Variants in BAALC observed in about 807,000 individuals in gnomAD.
BAALC encodes BAALC binder of MAP3K1 and KLF4, also known as brain and acute leukemia cytoplasmic protein.
Under a neutral mutation model 15.5 loss-of-function variants are expected in BAALC, and 9 were observed. The ratio of observed to expected loss-of-function variants is 0.58; its 90% CI spans 0.35 to 1.02. The LOEUF (loss-of-function observed/expected upper bound fraction) is 1.02. BAALC is among the 50% of genes least tolerant of loss of function. The pLI is 0.02. For synonymous variants in BAALC, 80 were observed against 74.6 expected, an observed-to-expected ratio of 1.07 and a Z score of -0.37; for missense variants, 201 against 192.4, an observed-to-expected ratio of 1.04 and a Z score of -0.27.
Position 103,228,215 on chromosome 8 carries a change from T to A in BAALC, c.*116T>A. 1 of 704,084 alleles carries A rather than the reference T, an allele frequency of 1.4e-6. No individual in the cohort carries two copies. The highest frequency in any genetic ancestry group is 1.9e-5 in the South Asian group (1 of 52,460). The allele number at this position is 704,084 out of a possible 1,614,324, so 43.6% of individuals were successfully genotyped here. On this transcript the variant is annotated 3_prime_UTR_variant, in exon 3 of 3. Coordinates refer to ENST00000309982, the MANE Select transcript of BAALC (RefSeq NM_024812.3). ...CTTGCTGGACCTGAATTCTACTGAGTCCCTGGCAAGACTGTCTTACCTGGC... is the reference window on the plus strand; with the variant it reads ...CTTGCTGGACCTGAATTCTACTGAGACCCTGGCAAGACTGTCTTACCTGGC...
chr8:103,213,080 A>G lies in BAALC; in HGVS notation c.322A>G (p.Thr108Ala). The change falls in exon 2 of 3, where the codon ACA becomes GCA. Residue 108 changes from threonine (T) to alanine (A), a missense_variant. By Grantham distance (58) the Thr-to-Ala change is moderately conservative (BLOSUM62 0). Coordinates refer to ENST00000309982, the MANE Select transcript of BAALC (RefSeq NM_024812.3). ...CCAGAAACAGAATGGCCTTCAGACCACAGAGGTAGGGTTGCAGCCACAGAA... is the reference window on the plus strand; with the variant it reads ...CCAGAAACAGAATGGCCTTCAGACCGCAGAGGTAGGGTTGCAGCCACAGAA... ...LTQKQNGLQTTEAKRDAKRMP... is the reference protein window; with the variant it reads ...LTQKQNGLQTAEAKRDAKRMP... The G allele has an allele frequency of 1.2e-6, 2 of 1,613,928 alleles. No individual in the cohort carries two copies. Among genetic ancestry groups the G allele is most frequent in the Non-Finnish European group, 1.7e-6 (2 of 1,179,896 alleles).
intron 1 of BAALC, among the ~76,000 whole-genome samples, chr8:103,199,568 TAAAAC>T (rs1812168938): frequency 6.6e-6 from 1 of 152,168 alleles, no homozygotes; most frequent in South Asian, 2.1e-4. Flanking sequence ...TTTTAAGAAT[TAAAAC>T]AATTCAGTTG....
intron 1 of BAALC, among the ~76,000 whole-genome samples, chr8:103,178,186 A>G (rs1169162318): frequency 6.6e-6 from 1 of 152,258 alleles, no homozygotes; most frequent in Non-Finnish European, 1.5e-5. Flanking sequence ...AGGTATCACT[A>G]TCTTTTTAAC....
intron 2 of BAALC, among the ~76,000 whole-genome samples, chr8:103,217,639 C>T (rs894950870): frequency 5.3e-5 from 8 of 152,124 alleles, no homozygotes; most frequent in Non-Finnish European, 8.8e-5. Flanking sequence ...GGTGGTTCTT[C>T]GGCATTTTTT....
intron 1 of BAALC, among the ~76,000 whole-genome samples, chr8:103,204,017 GT>G (rs1812277083): frequency 6.6e-6 from 1 of 152,168 alleles, no homozygotes; most frequent in Non-Finnish European, 1.5e-5. Context: ...GAAAGCAGCT[GT>G]ACCATTTAGT....
intron 2 of BAALC, among the ~76,000 whole-genome samples, chr8:103,220,960 T>C (rs1812663376): frequency 4.6e-5 from 7 of 152,204 alleles, no homozygotes. Flanking sequence ...TACAGATATA[T>C]TTGTGGAGTT....
intron 1 of BAALC, among the ~76,000 whole-genome samples, chr8:103,187,889 T>A (rs1440448261): frequency 6.6e-6 from 1 of 152,008 alleles, no homozygotes; most frequent in Non-Finnish European, 1.5e-5. Context: ...ATAGAGAATC[T>A]TTTGTGACTT....
chr8:103,164,871 G>T (rs537853913), intron 1 of BAALC, among the ~76,000 whole-genome samples: 1 of 152,286 alleles, frequency 6.6e-6, no homozygotes, highest in South Asian at 2.1e-4. Flanking sequence ...GCACAGGTCT[G>T]CCCTTCCCCA....
chr8:103,165,518 T>A (rs1811324765), intron 1 of BAALC: 1 of 152,148 alleles, frequency 6.6e-6, no homozygotes, highest in African/African-American at 2.4e-5. Flanking sequence ...TGAAAAAGGA[T>A]CCAAATAATC....
intron 1 of BAALC, among the ~76,000 whole-genome samples, chr8:103,179,619 T>C (rs1044473212): frequency 5.3e-5 from 8 of 152,238 alleles, no homozygotes; most frequent in Non-Finnish European, 7.3e-5. Flanking sequence ...AGCTAGTTCA[T>C]GTGGGTGTGT....
intron 1 of BAALC, among the ~76,000 whole-genome samples, chr8:103,184,309 AG>A (rs1229301377): frequency 2.0e-5 from 3 of 152,340 alleles, no homozygotes; most frequent in African/African-American, 7.2e-5. Context: ...ATATATTCAC[AG>A]GTTCTGGTGC....
rs1016916759 is a variant in BAALC, at chr8:103,229,021, C to T, written c.*922C>T. On this transcript the variant is annotated 3_prime_UTR_variant, in exon 3 of 3. Transcript: ENST00000309982. ...CAGAGACATGTGGCAGCAGGCATGG[C>T]TTCCCCTTGGCCTCTCTGTACACTG... 3.3e-5 allele frequency: 5 copies of T among 152,484 alleles called. No individual in the cohort carries two copies. The highest frequency in any genetic ancestry group is 6.5e-5 in the Admixed American group (1 of 15,290). The allele number at this position is 152,484 out of a possible 1,614,324, so 9.4% of individuals were successfully genotyped here. A position where few individuals can be genotyped will look rare whatever the true frequency, so the allele number is the denominator to read the frequency against.
chr8:103,184,635 A>G (rs1282946042), intron 1 of BAALC, among the ~76,000 whole-genome samples: 1 of 152,238 alleles, frequency 6.6e-6, no homozygotes, highest in East Asian at 1.9e-4. Flanking sequence ...GCTCTCTCCC[A>G]GATAGTTCCA....
At chr8:103,143,298 A>G (rs1586367389) in intron 1 of BAALC, among the ~76,000 whole-genome samples, 1 of 150,522 alleles carries the variant, frequency 6.6e-6, no homozygotes. Context: ...CACCTCACCC[A>G]CCCCCTGCCA....
chr8:103,142,915 G>C (rs187700677), intron 1 of BAALC, among the ~76,000 whole-genome samples: 238 of 152,320 alleles, frequency 1.6e-3, no homozygotes, highest in African/African-American at 5.2e-3. Context: ...GGCCAGCCCT[G>C]CCAGAGAGGT....
At chr8:103,176,096 G>T (rs1811600291) in intron 1 of BAALC, among the ~76,000 whole-genome samples, 1 of 152,144 alleles carries the variant, frequency 6.6e-6, no homozygotes, top group Admixed American at 6.6e-5. Flanking sequence ...AAAAAAATAT[G>T]TGTAAGATTT....
At chr8:103,185,726 C>T (rs1459829965) in intron 1 of BAALC, among the ~76,000 whole-genome samples, 1 of 152,182 alleles carries the variant, frequency 6.6e-6, no homozygotes, top group East Asian at 1.9e-4. Flanking sequence ...TTTCTTTCCT[C>T]CCCAAAATGG....
Position 103,140,844 on chromosome 8 carries a change from C to G in BAALC, c.-54C>G. The G allele has an allele frequency of 7.1e-7, 1 of 1,403,128 alleles. No homozygotes were observed. The highest frequency in any genetic ancestry group is 9.3e-7 in the Non-Finnish European group (1 of 1,078,242). 86.9% of individuals were successfully genotyped at this position (1,403,128 alleles called of 1,614,324 possible). ...CGGGGCTGCGCCTCCGGGGCTGAGC[C>G]GCCGCCAGAGCCGACAGCCGAGCAG... On this transcript the variant is annotated 5_prime_UTR_variant, in exon 1 of 3. Transcript: ENST00000309982. The surrounding 1 kb of genome is among the most constrained non-coding windows in gnomAD (Gnocchi z 4.2).
At chr8:103,154,000 G>A (rs977310387) in intron 1 of BAALC, among the ~76,000 whole-genome samples, 1 of 152,104 alleles carries the variant, frequency 6.6e-6, no homozygotes, top group African/African-American at 2.4e-5. Context: ...TAAACAACTG[G>A]CATGTTTGAA....
Sources: gnomAD v4.1 joint callset for allele counts (sites outside exome capture counted in the v4.1 genomes callset) on GRCh38, gnomAD v4.1.1 for gene constraint, Gnocchi (gnomAD v3.1) non-coding constraint, MANE v1.5 for transcripts, NCBI Gene and HGNC (gene_info 2026-07-23, HGNC 2026-07-21) for gene names.